The following SLC24A2 variants were observed in gnomAD, a reference collection of about 807,000 sequenced individuals.
The protein encoded by SLC24A2 is sodium/potassium/calcium exchanger 2.
In SLC24A2, 36 loss-of-function variants were observed where a neutral mutation model predicts 62.0. That is an observed-to-expected ratio of 0.58 (90% CI 0.44 to 0.77). The LOEUF (loss-of-function observed/expected upper bound fraction) is 0.77. Among genes scored for constraint, SLC24A2 ranks in the 30% least tolerant of loss-of-function variants. The pLI is 0.00. For missense variants in SLC24A2, 846 were observed against 817.9 expected (o/e 1.03, Z -0.42); for synonymous variants, 358 against 294.0 (o/e 1.22, Z -2.23).
the SLC24A2 span, among the ~76,000 whole-genome samples, chr9:20,161,637 A>G: frequency 6.6e-6 from 1 of 151,372 alleles, no homozygotes; most frequent in Admixed American, 6.6e-5. Context: ...TTAAATCCTG[A>G]AAAAGTTTTT....
At chr9:19,666,791 T>C (rs1260615098) in intron 2 of SLC24A2, among the ~76,000 whole-genome samples, 4 of 152,204 alleles carry the variant, frequency 2.6e-5, no homozygotes, top group African/African-American at 9.6e-5. Context: ...GAGGTTATAG[T>C]ACTTGGTGCC....
At chr9:20,204,327 A>C in the SLC24A2 span, among the ~76,000 whole-genome samples, 27 of 152,362 alleles carry the variant, frequency 1.8e-4, 2 homozygotes, top group South Asian at 2.5e-3. Context: ...CTGGAAAAAG[A>C]GACTGCGTTG....
At chr9:20,077,088 T>TA in the SLC24A2 span, among the ~76,000 whole-genome samples, 7 of 151,860 alleles carry the variant, frequency 4.6e-5, no homozygotes, top group African/African-American at 1.4e-4. Context: ...GAAATCTTTT[T>TA]AAAAAAAGGT....
the SLC24A2 span, among the ~76,000 whole-genome samples, chr9:20,254,312 T>G: frequency 6.6e-6 from 1 of 152,214 alleles, no homozygotes; most frequent in Non-Finnish European, 1.5e-5. Flanking sequence ...GCTGCTATTT[T>G]AGAAATAATG....
intron 7 of SLC24A2, among the ~76,000 whole-genome samples, chr9:19,568,982 A>AT (rs1291802860): frequency 6.6e-6 from 1 of 152,120 alleles, no homozygotes; most frequent in East Asian, 1.9e-4. Context: ...ACTGGATACA[A>AT]TTTGGCATGT....
At chr9:19,758,349 C>G (rs1240728026) in intron 2 of SLC24A2, among the ~76,000 whole-genome samples, 1 of 152,128 alleles carries the variant, frequency 6.6e-6, no homozygotes, top group East Asian at 1.9e-4. Flanking sequence ...ATCCATCAAC[C>G]CCAGTTTCCC....
chr9:19,872,406 C>A, the SLC24A2 span, among the ~76,000 whole-genome samples: 2 of 152,310 alleles, frequency 1.3e-5, no homozygotes, highest in Non-Finnish European at 2.9e-5. Flanking sequence ...GGTGCCAGCA[C>A]ACAGATACAC....
the SLC24A2 span, among the ~76,000 whole-genome samples, chr9:20,135,337 TAATTTTTAATTA>T: frequency 8.0e-5 from 12 of 150,926 alleles, no homozygotes; most frequent in African/African-American, 2.2e-4. Flanking sequence ...TTTAAAATTT[TAATTTTTAATTA>T]CAATTTAAAA....
At chr9:20,195,850 AT>A in the SLC24A2 span, among the ~76,000 whole-genome samples, 7 of 140,814 alleles carry the variant, frequency 5.0e-5, no homozygotes, top group South Asian at 2.4e-4. Flanking sequence ...AGAAAAAAAA[AT>A]TTTTTAACTT....
At chr9:19,759,157 C>T (rs1822235987) in intron 2 of SLC24A2, among the ~76,000 whole-genome samples, 1 of 152,182 alleles carries the variant, frequency 6.6e-6, no homozygotes, top group South Asian at 2.1e-4. Flanking sequence ...ATCTGGAATA[C>T]AAAGCACGAT....
the SLC24A2 span, among the ~76,000 whole-genome samples, chr9:20,143,495 C>A: frequency 1.3e-5 from 2 of 152,188 alleles, no homozygotes; most frequent in Admixed American, 1.3e-4. Flanking sequence ...CTATGCCAGG[C>A]AGTTTGTCTA....
the SLC24A2 span, among the ~76,000 whole-genome samples, chr9:20,305,265 G>A: frequency 0.45 from 68,005 of 151,618 alleles, 16,031 homozygotes; most frequent in African/African-American, 0.54. Flanking sequence ...GTGCTACAAC[G>A]CCTGGCTAAT....
At chr9:19,900,447 T>C in the SLC24A2 span, among the ~76,000 whole-genome samples, 147 of 152,298 alleles carry the variant, frequency 9.7e-4, no homozygotes, top group African/African-American at 3.4e-3. Flanking sequence ...TCGCCTATTA[T>C]TGGTGGACTC....
chr9:19,761,655 C>T (rs1464235258), intron 2 of SLC24A2, among the ~76,000 whole-genome samples: 1 of 151,822 alleles, frequency 6.6e-6, no homozygotes, highest in East Asian at 1.9e-4. Context: ...CACAACAGTC[C>T]CATGTGTGAT....
chr9:19,708,487 G>C (rs1400615755), intron 2 of SLC24A2, among the ~76,000 whole-genome samples: 1 of 152,100 alleles, frequency 6.6e-6, no homozygotes, highest in Non-Finnish European at 1.5e-5. Flanking sequence ...GAGCCATCAC[G>C]CTACCTGACT....
the SLC24A2 span, among the ~76,000 whole-genome samples, chr9:20,218,514 A>G: frequency 1.3e-5 from 2 of 151,572 alleles, no homozygotes; most frequent in East Asian, 1.9e-4. Flanking sequence ...AAGAGTCTCT[A>G]CTCTATATCT....
chr9:19,890,090 T>C, the SLC24A2 span, among the ~76,000 whole-genome samples: 2 of 152,158 alleles, frequency 1.3e-5, no homozygotes, highest in Admixed American at 1.3e-4. Context: ...CCCCAGTAAG[T>C]TGCACACCCG....
chr9:20,216,234 T>C, the SLC24A2 span, among the ~76,000 whole-genome samples: 41 of 152,256 alleles, frequency 2.7e-4, no homozygotes, highest in East Asian at 7.7e-3. Context: ...CTCAGGAAAA[T>C]GTGTGCTGCA....
At chr9:19,881,866 C>A in the SLC24A2 span, among the ~76,000 whole-genome samples, 1 of 151,904 alleles carries the variant, frequency 6.6e-6, no homozygotes, top group African/African-American at 2.4e-5. Flanking sequence ...TTCATGGACT[C>A]AGGAGTATAT....
Sources: gnomAD v4.1 joint callset for allele counts (sites outside exome capture counted in the v4.1 genomes callset) on GRCh38, gnomAD v4.1.1 for gene constraint, MANE v1.5 for transcripts, NCBI Gene and HGNC (gene_info 2026-07-23, HGNC 2026-07-21) for gene names.